The following SLC10A7 variants were observed in gnomAD, a reference collection of about 807,000 sequenced individuals.
SLC10A7 encodes sodium/bile acid cotransporter 7.
In SLC10A7, 29 loss-of-function variants were observed where a neutral mutation model predicts 43.2. The observed-to-expected ratio is 0.67, with a 90% CI of 0.50 to 0.92. The LOEUF is 0.92. Ranked by LOEUF, SLC10A7 falls within the 40% of genes least tolerant of loss-of-function variation. The pLI, the probability that SLC10A7 is intolerant of heterozygous loss-of-function variation, is 0.00. For missense variants in SLC10A7, 295 were observed against 403.2 expected (o/e 0.73, Z 2.30); for synonymous variants, 152 against 144.8 (o/e 1.05, Z -0.35).
chr4:146,414,121 T>TC (rs1560885616), intron 5 of SLC10A7, among the ~76,000 whole-genome samples: 1 of 152,116 alleles, frequency 6.6e-6, no homozygotes, highest in Non-Finnish European at 1.5e-5. Flanking sequence ...GAACACGGGC[T>TC]AGTCAACAGC....
intron 4 of SLC10A7, among the ~76,000 whole-genome samples, chr4:146,489,173 A>T (rs1735175848): frequency 6.6e-6 from 1 of 152,202 alleles, no homozygotes; most frequent in African/African-American, 2.4e-5. Context: ...CAACACATCC[A>T]TAACTTCTTA....
chr4:146,464,002 C>T (rs1217853734), intron 4 of SLC10A7, among the ~76,000 whole-genome samples: 14 of 151,150 alleles, frequency 9.3e-5, no homozygotes, highest in African/African-American at 3.2e-4. Context: ...TTTTTTTATA[C>T]TTTTGAGAGA....
At chr4:146,498,371 G>GA (rs1736102626) in intron 4 of SLC10A7, among the ~76,000 whole-genome samples, 1 of 152,092 alleles carries the variant, frequency 6.6e-6, no homozygotes, top group African/African-American at 2.4e-5. Flanking sequence ...CCCAGCCTCG[G>GA]CCTCCCAAAG....
rs560236352 is a variant in SLC10A7 at position 146,289,922 on chromosome 4, G to T, written c.773+3007C>A. ...GTAGAGATGGGATTTCGCCATGTTG[G>T]CCTGGCTGGTTTTGAACTCCTGACC... On this transcript the variant is annotated intron_variant, in intron 9 of 11. Transcript: ENST00000335472. 4.7e-5 allele frequency among the ~76,000 whole-genome samples: 7 copies of T among 150,024 alleles called. No homozygotes were observed. In the South Asian group the frequency reaches 1.5e-3, roughly 31 times the overall value.
intron 5 of SLC10A7, among the ~76,000 whole-genome samples, chr4:146,380,242 A>G (rs1266140790): frequency 6.6e-6 from 1 of 152,198 alleles, no homozygotes; most frequent in African/African-American, 2.4e-5. Flanking sequence ...TAATGAAGAA[A>G]AAAATCCCAT....
chr4:146,428,073 AG>A (rs1243313811), intron 5 of SLC10A7, among the ~76,000 whole-genome samples: 1 of 152,060 alleles, frequency 6.6e-6, no homozygotes, highest in Non-Finnish European at 1.5e-5. Flanking sequence ...GCTACTTGAG[AG>A]GCTGAGGTGA....
At chr4:146,466,365 T>G (rs1733036058) in intron 4 of SLC10A7, among the ~76,000 whole-genome samples, 1 of 149,630 alleles carries the variant, frequency 6.7e-6, no homozygotes, top group South Asian at 2.2e-4. Context: ...AAAAACAAAT[T>G]GCTTCACCTC....
At chr4:146,275,585 G>A (rs1414671928) in intron 10 of SLC10A7, among the ~76,000 whole-genome samples, 1 of 151,786 alleles carries the variant, frequency 6.6e-6, no homozygotes, top group Non-Finnish European at 1.5e-5. Flanking sequence ...TGCCCACAAA[G>A]TATTTATGGG....
chr4:146,463,827 C>G (rs1330491428), intron 4 of SLC10A7, among the ~76,000 whole-genome samples: 1 of 136,332 alleles, frequency 7.3e-6, no homozygotes, highest in Admixed American at 7.3e-5. Flanking sequence ...TTTTTTTTTT[C>G]TTTTTTTTTT....
rs574052798 is a variant in SLC10A7 at position 146,430,640 on chromosome 4, A to T, written c.435+12143T>A. Reference sequence around the variant, plus strand: ...ATTTTAATTATTCCACTTATTAAAAATATCACCAAAAAAAGCTACTCAGGA... The same window carrying T: ...ATTTTAATTATTCCACTTATTAAAATTATCACCAAAAAAAGCTACTCAGGA... On this transcript the variant is annotated intron_variant, in intron 5 of 11. Transcript: ENST00000335472. Among the ~76,000 whole-genome samples, 19 of 152,284 alleles carry T rather than the reference A, an allele frequency of 1.2e-4. No homozygotes were observed. In the South Asian group the frequency reaches 2.7e-3, roughly 22 times the overall value.
chr4:146,458,122 T>C (rs1399057508), intron 4 of SLC10A7, among the ~76,000 whole-genome samples: 1 of 151,786 alleles, frequency 6.6e-6, no homozygotes, highest in Non-Finnish European at 1.5e-5. Context: ...AAAAGGATGA[T>C]ACAGTATGAC....
At chr4:146,296,929 A>G (rs1412358402) in intron 7 of SLC10A7, among the ~76,000 whole-genome samples, 1 of 152,170 alleles carries the variant, frequency 6.6e-6, no homozygotes, top group Non-Finnish European at 1.5e-5. Context: ...TCAAGAATTC[A>G]TGTCATTTTA....
intron 5 of SLC10A7, among the ~76,000 whole-genome samples, chr4:146,440,084 C>T (rs762245784): frequency 2.0e-5 from 3 of 152,030 alleles, no homozygotes; most frequent in Admixed American, 6.6e-5. Flanking sequence ...CTAGATGTCT[C>T]GATATCTATT....
At chr4:146,498,153 T>C (rs1335684532) in intron 4 of SLC10A7, among the ~76,000 whole-genome samples, 2 of 152,000 alleles carry the variant, frequency 1.3e-5, no homozygotes, top group South Asian at 2.1e-4. Flanking sequence ...AGTCTCGCTC[T>C]GTCGCCCAGG....
At chr4:146,422,987 T>A (rs1467774943) in intron 5 of SLC10A7, among the ~76,000 whole-genome samples, 2 of 152,154 alleles carry the variant, frequency 1.3e-5, no homozygotes, top group Non-Finnish European at 2.9e-5. Flanking sequence ...TCCCAGCAGC[T>A]ACATTGAAAG....
At chr4:146,432,767 C>T (rs759295212) in intron 5 of SLC10A7, among the ~76,000 whole-genome samples, 6 of 152,132 alleles carry the variant, frequency 3.9e-5, no homozygotes, top group South Asian at 2.1e-4. Flanking sequence ...AAACCGGCCG[C>T]GGTGGCTCAT....
intron 8 of SLC10A7, 47 bp downstream of exon 8, chr4:146,293,883 A>G (rs760607696): frequency 1.4e-6 from 2 of 1,438,960 alleles, no homozygotes; most frequent in Non-Finnish European, 1.9e-6. Context: ...ACGCGTTGCT[A>G]TTGAGGACAC....
intron 5 of SLC10A7, among the ~76,000 whole-genome samples, chr4:146,414,370 ACCC>A (rs1307885089): frequency 6.6e-6 from 1 of 152,152 alleles, no homozygotes; most frequent in East Asian, 1.9e-4. Flanking sequence ...CTTTTCCACA[ACCC>A]TTCTAGCCTA....
At chr4:146,271,877 T>G (rs2111055218) in intron 10 of SLC10A7, among the ~76,000 whole-genome samples, 1 of 152,284 alleles carries the variant, frequency 6.6e-6, no homozygotes. Context: ...ACAGGCTTGC[T>G]CCCTATTTCC....
Sources: allele counts gnomAD v4.1 joint callset (sites outside exome capture counted in the v4.1 genomes callset), GRCh38; gene constraint gnomAD v4.1.1; transcripts MANE v1.5; gene names NCBI Gene and HGNC (gene_info 2026-07-23, HGNC 2026-07-21).